Variants in CCDC6 observed in about 807,000 individuals in gnomAD.
The protein encoded by CCDC6 is coiled-coil domain-containing protein 6.
Under a neutral mutation model 56.6 loss-of-function variants are expected in CCDC6, and 20 were observed. The observed-to-expected ratio is 0.35, with a 90% CI of 0.25 to 0.51. The LOEUF is 0.51. Among genes scored for constraint, CCDC6 ranks in the 20% least tolerant of loss-of-function variants. The pLI, the probability that CCDC6 is intolerant of heterozygous loss-of-function variation, is 0.95. For missense variants in CCDC6, 367 were observed against 601.1 expected (o/e 0.61, Z 4.07); for synonymous variants, 241 against 234.4 (o/e 1.03, Z -0.26).
chr10:59,877,285 C>A (rs910075107), intron 1 of CCDC6, among the ~76,000 whole-genome samples: 1 of 152,122 alleles, frequency 6.6e-6, no homozygotes, highest in African/African-American at 2.4e-5. Context: ...CAGAATCACT[C>A]CTGTAAAGTT....
intron 1 of CCDC6, among the ~76,000 whole-genome samples, chr10:59,904,114 G>A (rs2071524209): frequency 6.6e-6 from 1 of 152,200 alleles, no homozygotes; most frequent in African/African-American, 2.4e-5. Flanking sequence ...CTTGTGCAGT[G>A]TCATCTAAAA....
chr10:59,901,616 G>T (rs1201650747), intron 1 of CCDC6, among the ~76,000 whole-genome samples: 1 of 152,180 alleles, frequency 6.6e-6, no homozygotes, highest in East Asian at 1.9e-4. Context: ...AAATATCAGT[G>T]ATTTATTATA....
chr10:59,882,452 GC>G (rs2071348300), intron 1 of CCDC6, among the ~76,000 whole-genome samples: 1 of 40,216 alleles, frequency 2.5e-5, no homozygotes, highest in African/African-American at 8.4e-5. Flanking sequence ...AGGAAAGCCG[GC>G]GGGAGAAGGA....
intron 7 of CCDC6, among the ~76,000 whole-genome samples, chr10:59,799,759 T>C (rs191451603): frequency 1.2e-4 from 18 of 151,796 alleles, no homozygotes; most frequent in Non-Finnish European, 2.6e-4. Context: ...GACCACAGAG[T>C]CTAGAGTCAG....
At position 59,791,708 on chromosome 10, in the gene CCDC6, A is replaced by G. The variant is rs935024173; in HGVS notation, c.*1209T>C. ...CAAAACAGCAACTGCTGAAAAACAA[A>G]AATTAAGATGTTGCACGTGTTAAGA... On this transcript the variant is annotated 3_prime_UTR_variant, in exon 9 of 9. Transcript: ENST00000263102. 1 of 212,184 alleles carries G rather than the reference A, an allele frequency of 4.7e-6. No individual in the cohort carries two copies. Among genetic ancestry groups the G allele is most frequent in the Non-Finnish European group, 9.6e-6 (1 of 104,468 alleles). The allele number at this position is 212,184 out of a possible 1,614,324, so 13.1% of individuals were successfully genotyped here.
intron 1 of CCDC6, among the ~76,000 whole-genome samples, chr10:59,860,226 TCCCATC>T (rs1213151391): frequency 1.3e-5 from 2 of 151,934 alleles, no homozygotes; most frequent in Admixed American, 6.6e-5. Context: ...TAGGAAACCC[TCCCATC>T]CCCAGGACTC....
intron 5 of CCDC6, 43 bp from the exon 6 acceptor site, chr10:59,807,121 C>G: frequency 1.3e-6 from 2 of 1,580,606 alleles, no homozygotes; most frequent in Non-Finnish European, 1.7e-6. Context: ...TTCATGCAAT[C>G]ATATCCAAAT....
intron 1 of CCDC6, among the ~76,000 whole-genome samples, chr10:59,857,573 G>C (rs183847925): frequency 2.0e-4 from 31 of 152,092 alleles, no homozygotes; most frequent in African/African-American, 5.8e-4. Flanking sequence ...GAAAGAGAAC[G>C]GTTCTCCAAA....
intron 2 of CCDC6, among the ~76,000 whole-genome samples, chr10:59,844,746 C>CAAAA (rs56232975): frequency 8.0e-6 from 1 of 124,534 alleles, no homozygotes; most frequent in Admixed American, 8.6e-5. Flanking sequence ...AGACTATCTC[C>CAAAA]AAAAAAAAAA....
intron 2 of CCDC6, among the ~76,000 whole-genome samples, chr10:59,843,599 T>G (rs191947880): frequency 1.2e-3 from 176 of 152,328 alleles, no homozygotes; most frequent in African/African-American, 3.6e-3. Context: ...TCACTTACAT[T>G]CATGGAATCT....
chr10:59,793,993 G>A (rs1446823096), intron 8 of CCDC6, among the ~76,000 whole-genome samples: 5 of 151,854 alleles, frequency 3.3e-5, no homozygotes, highest in South Asian at 4.2e-4. Context: ...CTATATTGCC[G>A]ACTCTAAAGA....
At position 59,870,588 on chromosome 10, in the gene CCDC6, G is replaced by GACAC. The variant is rs2071220005; in HGVS notation, c.304-17887_304-17886insGTGT. On this transcript the variant is annotated intron_variant, in intron 1 of 8. Transcript: ENST00000263102. ...GAAAAGAGGACTCTCCTACAATCTA[G>GACAC]AGGACCACCCAGCTAGATTACATAT... Among the ~76,000 whole-genome samples, 5 of 151,988 alleles carry GACAC rather than the reference G, an allele frequency of 3.3e-5. No homozygotes were observed. The South Asian group carries it at 1.0e-3, about 32-fold the overall frequency.
chr10:59,855,079 C>T (rs1001724237), intron 1 of CCDC6, among the ~76,000 whole-genome samples: 1 of 152,156 alleles, frequency 6.6e-6, no homozygotes, highest in Admixed American at 6.5e-5. Context: ...CTAGGCAGAT[C>T]ACCTTTCCCT....
intron 1 of CCDC6, among the ~76,000 whole-genome samples, chr10:59,882,750 G>C (rs907300262): frequency 6.6e-6 from 1 of 151,326 alleles, no homozygotes; most frequent in Non-Finnish European, 1.5e-5. Flanking sequence ...TATGAGGTTA[G>C]GAGATCGAGA....
chr10:59,853,672 T>C (rs533606719), intron 1 of CCDC6, among the ~76,000 whole-genome samples: 6 of 152,226 alleles, frequency 3.9e-5, no homozygotes, highest in African/African-American at 1.4e-4. Context: ...AGTGGAAATC[T>C]AGGGGTGAAG....
chr10:59,869,872 C>T (rs536956659), intron 1 of CCDC6, among the ~76,000 whole-genome samples: 170 of 152,264 alleles, frequency 1.1e-3, no homozygotes, highest in Non-Finnish European at 2.0e-3. Flanking sequence ...GCCACTCCAG[C>T]ATATCTGTTC....
chr10:59,871,356 CT>C (rs1188859513), intron 1 of CCDC6, among the ~76,000 whole-genome samples: 3 of 151,384 alleles, frequency 2.0e-5, no homozygotes, highest in Non-Finnish European at 4.4e-5. Flanking sequence ...AAACATTCAC[CT>C]TGTGTTTACA....
At position 59,832,672 on chromosome 10, in the gene CCDC6, C is replaced by T. The variant is rs760720607; in HGVS notation, c.454-19G>A. ...GCTGCAACTGGAAAATGAAAAACACCGAGATGTGGAAATCAGGCAACTCAA... is the reference window on the plus strand; with the variant it reads ...GCTGCAACTGGAAAATGAAAAACACTGAGATGTGGAAATCAGGCAACTCAA... On this transcript the variant is annotated intron_variant, in intron 2 of 8. Transcript: ENST00000263102. 28 of 1,608,628 alleles carry T rather than the reference C, an allele frequency of 1.7e-5. No individual in the cohort carries two copies. The highest frequency in any genetic ancestry group is 1.9e-5 in the Non-Finnish European group (22 of 1,178,442).
chr10:59,862,516 TACACACACACACACACACACACACACAC>T (rs60162547), intron 1 of CCDC6, among the ~76,000 whole-genome samples: 30 of 97,160 alleles, frequency 3.1e-4, no homozygotes, highest in African/African-American at 4.4e-4. Flanking sequence ...TATATATATA[TACACACACACACACACACACACACACAC>T]ACACACACAC....
Sources: allele counts gnomAD v4.1 joint callset (sites outside exome capture counted in the v4.1 genomes callset), GRCh38; gene constraint gnomAD v4.1.1; transcripts MANE v1.5; gene names NCBI Gene and HGNC (gene_info 2026-07-23, HGNC 2026-07-21).